The following USP25 variants were observed in gnomAD, a reference collection of about 807,000 sequenced individuals.
USP25 encodes the protein ubiquitin carboxyl-terminal hydrolase 25.
In USP25, 85 loss-of-function variants were observed where a neutral mutation model predicts 158.5. The observed-to-expected ratio is 0.54, with a 90% CI of 0.45 to 0.64. The LOEUF is 0.64. Among genes scored for constraint, USP25 ranks in the 30% least tolerant of loss-of-function variants. USP25 has a pLI of 0.00. For synonymous variants in USP25, 464 were observed against 460.4 expected, an observed-to-expected ratio of 1.01 and a Z score of -0.10; for missense variants, 1,242 against 1,327.3, an observed-to-expected ratio of 0.94 and a Z score of 1.00.
intron 20 of USP25, among the ~76,000 whole-genome samples, chr21:15,862,728 T>C (rs1478916093): frequency 6.7e-6 from 1 of 149,116 alleles, no homozygotes; most frequent in Non-Finnish European, 1.5e-5. Context: ...CATAAGACTT[T>C]GGAATGACAT....
At chr21:15,746,777 C>T (rs1040466860) in intron 1 of USP25, among the ~76,000 whole-genome samples, 2 of 152,130 alleles carry the variant, frequency 1.3e-5, no homozygotes, top group East Asian at 3.8e-4. Context: ...CTTGTATCTG[C>T]GACTTTGCGA....
chr21:15,794,310 A>G (rs937045395), intron 5 of USP25, among the ~76,000 whole-genome samples: 3 of 151,724 alleles, frequency 2.0e-5, no homozygotes, highest in Admixed American at 6.6e-5. Context: ...GAATATAAAC[A>G]AAGAGAAGAT....
chr21:15,833,335 A>C lies in USP25; in HGVS notation c.1994-13A>C, dbSNP rs2037903709. On this transcript the variant is annotated splice_polypyrimidine_tract_variant and intron_variant, in intron 16 of 25. Coordinates refer to ENST00000400183, the MANE Select transcript of USP25 (RefSeq NM_001283041.3). Reference sequence around the variant, plus strand: ...TCTTAATTTTATACTAGTTTTTGAAATATGATTTGCAGAGGAGTTTAATAA... The same window carrying C: ...TCTTAATTTTATACTAGTTTTTGAACTATGATTTGCAGAGGAGTTTAATAA... 1.9e-6 allele frequency: 3 copies of C among 1,599,500 alleles called. No individual in the cohort carries two copies. The African/African-American group carries it at 4.1e-5, about 22-fold the overall frequency.
intron 2 of USP25, among the ~76,000 whole-genome samples, chr21:15,764,701 G>A (rs968270078): frequency 3.9e-5 from 6 of 152,042 alleles, no homozygotes; most frequent in Non-Finnish European, 7.4e-5. Flanking sequence ...ATAAATGTTA[G>A]CCATCATTAT....
At chr21:15,830,452 G>T in intron 14 of USP25, 79 bp from the exon 15 acceptor site, 2 of 1,240,842 alleles carry the variant, frequency 1.6e-6, no homozygotes, top group Non-Finnish European at 1.1e-6. Context: ...TAACATGTTT[G>T]TAGGAAAAAC....
At chr21:15,861,972 A>G (rs1161700713) in intron 20 of USP25, among the ~76,000 whole-genome samples, 2 of 152,156 alleles carry the variant, frequency 1.3e-5, no homozygotes, top group Non-Finnish European at 2.9e-5. Flanking sequence ...AGAGGTGAAC[A>G]TATAATCTTA....
intron 17 of USP25, among the ~76,000 whole-genome samples, chr21:15,839,552 A>ATAATGTATC: frequency 6.6e-6 from 1 of 152,204 alleles, no homozygotes; most frequent in Non-Finnish European, 1.5e-5. Context: ...CAGTCTGGAA[A>ATAATGTATC]TAATGTATCA....
intron 23 of USP25, among the ~76,000 whole-genome samples, chr21:15,872,632 A>G (rs528250065): frequency 4.6e-5 from 7 of 152,368 alleles, no homozygotes; most frequent in Admixed American, 3.9e-4. Context: ...TTAACCTAAT[A>G]TCATTTCAAA....
chr21:15,730,976 GTTTTTTTTTTTTTTT>G (rs748732727), intron 1 of USP25, among the ~76,000 whole-genome samples: 2 of 53,646 alleles, frequency 3.7e-5, no homozygotes, highest in South Asian at 1.2e-3. Context: ...CTTCTTTTCT[GTTTTTTTTTTTTTTT>G]TTTTTTTTTT....
intron 4 of USP25, among the ~76,000 whole-genome samples, chr21:15,782,835 G>A (rs1365750306): frequency 6.6e-6 from 1 of 152,050 alleles, no homozygotes; most frequent in Non-Finnish European, 1.5e-5. Context: ...AGAGACAGAA[G>A]AATCATGAAA....
At chr21:15,846,140 ATATATATATATATATATATT>A (rs1164286727) in intron 18 of USP25, among the ~76,000 whole-genome samples, 2 of 52,974 alleles carry the variant, frequency 3.8e-5, no homozygotes, top group Non-Finnish European at 6.9e-5. Flanking sequence ...ATATATATAT[ATATATATATATATATATATT>A]TTTTTTTTTT....
Position 15,766,956 on chromosome 21 carries a change from T to C in USP25, c.268+815T>C, listed in dbSNP as rs1253722696. On this transcript the variant is annotated intron_variant, in intron 3 of 25. Coordinates refer to ENST00000400183, the MANE Select transcript of USP25 (RefSeq NM_001283041.3). This position sits in a 1 kb window ranked among gnomAD's most constrained non-coding sequence, Gnocchi z 4.0. ...GTTTACATAGATGTTTATTAATGTT[T>C]ATTGATAAAATATTTTAATTTTTAG... 6.6e-6 allele frequency among the ~76,000 whole-genome samples: 1 copy of C among 152,098 alleles called. No homozygotes were observed. Among genetic ancestry groups the C allele is most frequent in the African/African-American group, 2.4e-5 (1 of 41,438 alleles).
chr21:15,864,544 A>C (rs1370270322), intron 21 of USP25, 98 bp downstream of exon 21: 1 of 1,065,128 alleles, frequency 9.4e-7, no homozygotes, highest in African/African-American at 1.6e-5. Flanking sequence ...TTATATATGC[A>C]TGGGCACATA....
intron 20 of USP25, among the ~76,000 whole-genome samples, chr21:15,854,550 A>T (rs537956390): frequency 6.6e-6 from 1 of 152,020 alleles, no homozygotes; most frequent in South Asian, 2.1e-4. Context: ...AAGCTTTTTA[A>T]CTCTGTGCCT....
In USP25 at chr21:15,811,165, G is replaced by A. The variant is rs780250027; in HGVS notation, c.886G>A (p.Val296Ile). The A allele has an allele frequency of 3.7e-6, 6 of 1,612,672 alleles. No individual in the cohort carries two copies. The highest frequency in any genetic ancestry group is 5.1e-6 in the Non-Finnish European group (6 of 1,179,516). The stretch of plus-strand genomic sequence containing the variant: ...TGAAGAGAAGCCAAAGAACCCCATG[G>A]TAGAGTTGTTCTATGGCAGATTCCT... ...TDEEKPKNPM[V>I]ELFYGRFLAV... Residue 296 changes from valine to isoleucine, a missense_variant, in exon 9 of 26, where the codon GTA becomes ATA. Val to Ile is a conservative substitution (Grantham distance 29). Around this residue, in one of 3 missense-constraint regions of USP25, gnomAD observed 627 missense variants for 701.4 expected, o/e 0.89. Transcript: ENST00000400183.
At position 15,874,483 on chromosome 21, in the gene USP25, A is replaced by G. The variant is rs372229979; in HGVS notation, c.2966A>G (p.His989Arg). 2 of 1,611,330 alleles carry G rather than the reference A, an allele frequency of 1.2e-6. No individual in the cohort carries two copies. Reference protein sequence around the residue: ...ELLSKGLYRGHDEELISHYRR... With the variant: ...ELLSKGLYRGRDEELISHYRR... ...TTGTCTAAAGGCTTATACAGAGGAC[A>G]TGATGAAGAATTGATATCACATTAT... is the stretch of plus-strand genomic sequence containing the variant. The change falls in exon 24 of 26, where the codon CAT becomes CGT. Residue 989 changes from histidine to arginine, a missense_variant. Coordinates refer to ENST00000400183, the MANE Select transcript of USP25 (RefSeq NM_001283041.3).
At chr21:15,800,928 TAAAC>T (rs954761173) in intron 6 of USP25, among the ~76,000 whole-genome samples, 2 of 151,522 alleles carry the variant, frequency 1.3e-5, no homozygotes, top group Non-Finnish European at 3.0e-5. Flanking sequence ...GTCAGGCTGA[TAAAC>T]AACCCATTTT....
In USP25 at chr21:15,778,043, G is replaced by A. The variant is rs1441153088; in HGVS notation, c.392+16G>A. The A allele has an allele frequency of 1.3e-6, 2 of 1,582,100 alleles. No homozygotes were observed. The highest frequency in any genetic ancestry group is 1.9e-5 in the Admixed American group (1 of 51,734). ...CCATTAGCAGGTAAAAACATAATTTGTATAAAGCAGATATAAGTACTTTTA... is the reference window on the plus strand; with the variant it reads ...CCATTAGCAGGTAAAAACATAATTTATATAAAGCAGATATAAGTACTTTTA... On this transcript the variant is annotated intron_variant, in intron 4 of 25. Transcript: ENST00000400183.
At position 15,843,218 on chromosome 21, in the gene USP25, A is replaced by C. The variant is rs2038423879; in HGVS notation, c.2337+678A>C. On this transcript the variant is annotated intron_variant, in intron 18 of 25. Transcript: ENST00000400183. The surrounding 1 kb of genome is among the most constrained non-coding windows in gnomAD (Gnocchi z 4.0). ...GCTATTTCAAGAATTTGTTACTACT[A>C]AACCTTTTAGTTCCTGTAGTCATTT... is the stretch of plus-strand genomic sequence containing the variant. Among the ~76,000 whole-genome samples, 1 of 152,204 alleles carries C rather than the reference A, an allele frequency of 6.6e-6. No individual in the cohort carries two copies.
Sources: allele counts gnomAD v4.1 joint callset (sites outside exome capture counted in the v4.1 genomes callset), GRCh38; gene constraint gnomAD v4.1.1; regional missense constraint gnomAD v4.1.1; non-coding constraint Gnocchi (gnomAD v3.1); transcripts MANE v1.5; gene names NCBI Gene and HGNC (gene_info 2026-07-23, HGNC 2026-07-21).